ST3GAL3: variants seen among roughly 807,000 people sequenced by gnomAD.
ST3GAL3 encodes the protein CMP-N-acetylneuraminate-beta-1,4-galactoside alpha-2,3-sialyltransferase.
A neutral mutation model predicts 50.1 loss-of-function variants in ST3GAL3; 21 were observed. The ratio of observed to expected loss-of-function variants is 0.42; its 90% confidence interval spans 0.30 to 0.60. The LOEUF is 0.60. ST3GAL3 is among the 20% of genes least tolerant of loss of function. The pLI is 0.19. For missense variants in ST3GAL3, 353 were observed against 489.4 expected, an observed-to-expected ratio of 0.72 and a Z score of 2.63; for synonymous variants, 183 against 190.0, an observed-to-expected ratio of 0.96 and a Z score of 0.30.
rs796418054 is a variant in ST3GAL3, at chr1:43,817,865, TTCC to T, written c.209+2949_209+2951del. 9.0e-4 allele frequency among the ~76,000 whole-genome samples: 62 copies of T among 69,228 alleles called. 4 individuals are homozygous for T. Among genetic ancestry groups the T allele is most frequent in the African/African-American group, 2.3e-3 (50 of 21,370 alleles). 45.4% of individuals were successfully genotyped at this position (69,228 alleles called of 152,430 possible). A position where few individuals can be genotyped will look rare whatever the true frequency, so the allele number is the denominator to read the frequency against. ...TCTTCTCCTTCTCCTCCTCCTCCTC[TTCC>T]TCCTCCTCCTCCTCCTTCTTTCTTC... On this transcript the variant is annotated intron_variant, in intron 4 of 11. Coordinates refer to ENST00000347631, the MANE Select transcript of ST3GAL3 (RefSeq NM_006279.5).
intron 2 of ST3GAL3, among the ~76,000 whole-genome samples, chr1:43,751,099 G>A (rs1685885325): frequency 6.6e-6 from 1 of 152,070 alleles, no homozygotes; most frequent in Non-Finnish European, 1.5e-5. Flanking sequence ...TAATTTCACA[G>A]AAGGAAAATT....
intron 4 of ST3GAL3, among the ~76,000 whole-genome samples, chr1:43,833,964 C>G (rs991999421): frequency 2.6e-5 from 4 of 152,178 alleles, no homozygotes; most frequent in Non-Finnish European, 5.9e-5. Flanking sequence ...CATTCTCCCC[C>G]AACCTGGCCA....
At chr1:43,884,684 G>A (rs1435916496) in intron 5 of ST3GAL3, among the ~76,000 whole-genome samples, 5 of 152,222 alleles carry the variant, frequency 3.3e-5, no homozygotes, top group African/African-American at 1.2e-4. Context: ...ACGGACTGAT[G>A]TGCTGTGGTC....
intron 5 of ST3GAL3, chr1:43,850,513 C>A: frequency 3.1e-6 from 2 of 652,784 alleles, no homozygotes; most frequent in South Asian, 1.4e-5. Context: ...TCCAAAAGTC[C>A]AAGAGATGTC....
At chr1:43,845,286 G>A (rs1574114833) in intron 5 of ST3GAL3, among the ~76,000 whole-genome samples, 2 of 152,040 alleles carry the variant, frequency 1.3e-5, no homozygotes, top group South Asian at 4.1e-4. Flanking sequence ...CCTAGCCAGG[G>A]AAGTTTTTTT....
chr1:43,847,305 C>T (rs994474718), intron 5 of ST3GAL3, among the ~76,000 whole-genome samples: 1 of 152,064 alleles, frequency 6.6e-6, no homozygotes, highest in African/African-American at 2.4e-5. Flanking sequence ...GGGTATATAC[C>T]CAAAATAACT....
intron 3 of ST3GAL3, among the ~76,000 whole-genome samples, chr1:43,807,862 G>A (rs1332186848): frequency 6.6e-6 from 1 of 152,214 alleles, no homozygotes; most frequent in African/African-American, 2.4e-5. Context: ...TGGGTGAAGA[G>A]TGGTGTTGTT....
intron 5 of ST3GAL3, among the ~76,000 whole-genome samples, chr1:43,856,913 G>C (rs756230978): frequency 7.9e-5 from 12 of 151,970 alleles, no homozygotes; most frequent in Non-Finnish European, 1.6e-4. Flanking sequence ...CTCATAGGTG[G>C]AGCTGCGGTA....
chr1:43,843,338 A>G (rs1574078649), intron 5 of ST3GAL3, among the ~76,000 whole-genome samples: 1 of 152,182 alleles, frequency 6.6e-6, no homozygotes, highest in African/African-American at 2.4e-5. Context: ...AGAAGATCAT[A>G]TGGCTTTTCT....
intron 2 of ST3GAL3, among the ~76,000 whole-genome samples, chr1:43,740,127 G>C (rs1680196875): frequency 6.6e-6 from 1 of 151,968 alleles, no homozygotes; most frequent in Non-Finnish European, 1.5e-5. Context: ...ACTTTGGGAG[G>C]CCGAGGTGGG....
chr1:43,903,549 G>A (rs904357446), intron 9 of ST3GAL3, among the ~76,000 whole-genome samples: 3 of 152,206 alleles, frequency 2.0e-5, no homozygotes, highest in Non-Finnish European at 4.4e-5. Context: ...TAGGCTGGGT[G>A]GGTGTGGGGT....
intron 5 of ST3GAL3, among the ~76,000 whole-genome samples, chr1:43,846,606 C>T (rs1039103088): frequency 2.6e-5 from 4 of 152,130 alleles, no homozygotes. Context: ...TCAGGCAGTC[C>T]TCCCACCTCA....
intron 5 of ST3GAL3, among the ~76,000 whole-genome samples, chr1:43,866,984 G>A (rs932539159): frequency 6.6e-6 from 1 of 152,114 alleles, no homozygotes; most frequent in South Asian, 2.1e-4. Context: ...ACAAAAATTA[G>A]CCAGGCATAG....
intron 2 of ST3GAL3, among the ~76,000 whole-genome samples, chr1:43,782,370 G>A (rs1699638072): frequency 6.6e-6 from 1 of 152,112 alleles, no homozygotes; most frequent in Admixed American, 6.5e-5. Context: ...CTAGGTCTTA[G>A]CCTCCTTACG....
intron 5 of ST3GAL3, among the ~76,000 whole-genome samples, chr1:43,858,535 T>G (rs1359383302): frequency 6.6e-6 from 1 of 152,040 alleles, no homozygotes; most frequent in Non-Finnish European, 1.5e-5. Flanking sequence ...ACGTGGGGAG[T>G]TCTTGCTGCT....
intron 9 of ST3GAL3, chr1:43,914,348 A>G (rs1387544535): frequency 6.6e-6 from 1 of 152,152 alleles, no homozygotes; most frequent in Non-Finnish European, 1.5e-5. Context: ...GGACATGGGC[A>G]CCAGAGAGAC....
At chr1:43,901,513 T>G (rs913447585) in intron 9 of ST3GAL3, among the ~76,000 whole-genome samples, 1 of 152,206 alleles carries the variant, frequency 6.6e-6, no homozygotes, top group Non-Finnish European at 1.5e-5. Context: ...TTCTTAAAAT[T>G]CATCCAAGGG....
rs2084852874 is a variant in ST3GAL3 at position 43,930,281 on chromosome 1, CCTACACAGGA to C, written c.*61_*70del. 6.6e-7 allele frequency: 1 copy of C among 1,513,522 alleles called. No homozygotes were observed. The highest frequency in any genetic ancestry group is 1.4e-5 in the African/African-American group (1 of 72,966). The allele number at this position is 1,513,522 out of a possible 1,614,324, so 93.8% of individuals were successfully genotyped here. On this transcript the variant is annotated 3_prime_UTR_variant, in exon 12 of 12. Transcript: ENST00000347631. ...CCACCAGGAGCAGCAGCCAGCACCA[CCTACACAGGA>C]GTCTTCAGACCCAGAGAAGGACGGT...
At chr1:43,783,662 T>G (rs1395831541) in intron 2 of ST3GAL3, among the ~76,000 whole-genome samples, 1 of 152,186 alleles carries the variant, frequency 6.6e-6, no homozygotes, top group Non-Finnish European at 1.5e-5. Flanking sequence ...CAGCAGCACA[T>G]GCCTAGTTCC....
Sources: gnomAD v4.1 joint callset for allele counts (sites outside exome capture counted in the v4.1 genomes callset) on GRCh38, gnomAD v4.1.1 for gene constraint, MANE v1.5 for transcripts, NCBI Gene and HGNC (gene_info 2026-07-23, HGNC 2026-07-21) for gene names.